The following AFG2A variants were observed in gnomAD, a reference collection of about 807,000 sequenced individuals.
AFG2A encodes the protein ATPase family gene 2 protein homolog A.
chr4:122,989,840 T>G, the AFG2A span, among the ~76,000 whole-genome samples: 1 of 152,182 alleles, frequency 6.6e-6, no homozygotes, highest in Non-Finnish European at 1.5e-5. Context: ...TCCTAGATTC[T>G]TCAATGCATG....
At chr4:123,117,284 C>A in the AFG2A span, among the ~76,000 whole-genome samples, 6 of 151,686 alleles carry the variant, frequency 4.0e-5, no homozygotes, top group Non-Finnish European at 8.8e-5. Flanking sequence ...ATTGTCTGCT[C>A]AGTCACAATA....
At chr4:123,190,820 G>A in the AFG2A span, among the ~76,000 whole-genome samples, 1 of 152,164 alleles carries the variant, frequency 6.6e-6, no homozygotes, top group African/African-American at 2.4e-5. Flanking sequence ...AAGCCAGTTT[G>A]TAGGTAAACA....
At chr4:123,020,027 T>C in the AFG2A span, among the ~76,000 whole-genome samples, 2 of 152,196 alleles carry the variant, frequency 1.3e-5, no homozygotes, top group Non-Finnish European at 2.9e-5. Context: ...CCTGACAACG[T>C]TGGGCACCCA....
the AFG2A span, among the ~76,000 whole-genome samples, chr4:123,200,523 T>C: frequency 6.6e-6 from 1 of 152,196 alleles, no homozygotes; most frequent in African/African-American, 2.4e-5. Flanking sequence ...GTTAAAACAT[T>C]TCTTTGAAGA....
At chr4:122,970,885 G>A in the AFG2A span, among the ~76,000 whole-genome samples, 1 of 152,016 alleles carries the variant, frequency 6.6e-6, no homozygotes, top group Non-Finnish European at 1.5e-5. Flanking sequence ...CCAGGCTGGA[G>A]TGCAGTGGCA....
the AFG2A span, among the ~76,000 whole-genome samples, chr4:123,229,235 G>T: frequency 1.3e-5 from 2 of 151,972 alleles, no homozygotes; most frequent in Admixed American, 1.3e-4. Flanking sequence ...TGGGAGATTA[G>T]GAAAGGCTTC....
chr4:122,990,671 G>A, the AFG2A span, among the ~76,000 whole-genome samples: 21 of 152,104 alleles, frequency 1.4e-4, no homozygotes, highest in Non-Finnish European at 2.9e-4. Flanking sequence ...TCACTGTAGC[G>A]TCAAATTTCT....
At chr4:122,976,926 A>G in the AFG2A span, among the ~76,000 whole-genome samples, 1 of 152,122 alleles carries the variant, frequency 6.6e-6, no homozygotes, top group African/African-American at 2.4e-5. Context: ...ATTCTATTTT[A>G]TATTTGTAAA....
chr4:123,034,969 T>C, the AFG2A span, among the ~76,000 whole-genome samples: 1 of 152,154 alleles, frequency 6.6e-6, no homozygotes, highest in Admixed American at 6.5e-5. Context: ...GGGTGAGGGC[T>C]TTGATGACCT....
the AFG2A span, among the ~76,000 whole-genome samples, chr4:123,037,269 A>G: frequency 6.6e-6 from 1 of 152,122 alleles, no homozygotes; most frequent in African/African-American, 2.4e-5. Context: ...CACAGTAAAA[A>G]GATAAGTCAG....
At chr4:122,938,301 T>G in the AFG2A span, 25 of 1,402,200 alleles carry the variant, frequency 1.8e-5, no homozygotes, top group East Asian at 6.6e-4. Context: ...TTAATACTTA[T>G]GTGTAGTGGT....
chr4:123,279,733 A>G, the AFG2A span, among the ~76,000 whole-genome samples: 1 of 152,184 alleles, frequency 6.6e-6, no homozygotes, highest in Non-Finnish European at 1.5e-5. Flanking sequence ...TGACTGTCCA[A>G]TGTAGATGTC....
chr4:123,074,155 G>A, the AFG2A span, among the ~76,000 whole-genome samples: 16,805 of 140,636 alleles, frequency 0.12, 1,043 homozygotes, highest in Middle Eastern at 0.25. Context: ...GTGCAGTGGC[G>A]CGAACTTGGC....
the AFG2A span, among the ~76,000 whole-genome samples, chr4:123,139,408 A>G: frequency 1.3e-5 from 2 of 151,842 alleles, no homozygotes; most frequent in Non-Finnish European, 2.9e-5. Flanking sequence ...TCTTTTATTT[A>G]TTTTTTCTTT....
the AFG2A span, among the ~76,000 whole-genome samples, chr4:123,265,728 T>C: frequency 6.6e-6 from 1 of 152,084 alleles, no homozygotes; most frequent in Admixed American, 6.6e-5. Flanking sequence ...GGAAGAAGTA[T>C]ATCCAGTGAA....
At chr4:123,226,916 A>G in the AFG2A span, among the ~76,000 whole-genome samples, 1 of 152,064 alleles carries the variant, frequency 6.6e-6, no homozygotes, top group Non-Finnish European at 1.5e-5. Context: ...CAGAGATTCA[A>G]CTTCTTCCTG....
chr4:123,149,587 CTCTTT>C, the AFG2A span, among the ~76,000 whole-genome samples: 2 of 152,094 alleles, frequency 1.3e-5, no homozygotes, highest in Non-Finnish European at 2.9e-5. Flanking sequence ...TGCAAATGTT[CTCTTT>C]TCTTCATAAG....
the AFG2A span, among the ~76,000 whole-genome samples, chr4:123,210,886 T>G: frequency 6.6e-6 from 1 of 152,154 alleles, no homozygotes; most frequent in African/African-American, 2.4e-5. Flanking sequence ...TAATTTTTTT[T>G]TCCTGTTGGC....
chr4:123,312,793 A>G, the AFG2A span, among the ~76,000 whole-genome samples: 1 of 152,208 alleles, frequency 6.6e-6, no homozygotes, highest in Non-Finnish European at 1.5e-5. Context: ...TGACAAAGCC[A>G]TCTAAATCTA....
Sources: gnomAD v4.1 joint callset for allele counts (sites outside exome capture counted in the v4.1 genomes callset) on GRCh38, gnomAD v4.1.1 for gene constraint, MANE v1.5 for transcripts, NCBI Gene and HGNC (gene_info 2026-07-23, HGNC 2026-07-21) for gene names.